Variants in SH3GL2 observed in about 807,000 individuals in gnomAD.
The protein encoded by SH3GL2 is SH3 domain containing GRB2 like 2, endophilin A1.
Under a neutral mutation model 46.0 loss-of-function variants are expected in SH3GL2, and 24 were observed. The observed-to-expected ratio is 0.52, with a 90% CI of 0.38 to 0.73. The LOEUF is 0.73. Among genes scored for constraint, SH3GL2 ranks in the 30% least tolerant of loss-of-function variants. The pLI is 0.00. For missense variants in SH3GL2, 413 were observed against 424.2 expected (o/e 0.97, Z 0.23); for synonymous variants, 196 against 147.1 (o/e 1.33, Z -2.40).
At chr9:17,766,411 ATTC>A (rs1450528760) in intron 3 of SH3GL2, among the ~76,000 whole-genome samples, 8 of 152,366 alleles carry the variant, frequency 5.3e-5, no homozygotes, top group Middle Eastern at 6.8e-3. Context: ...GTAAGTGCCT[ATTC>A]TTACGATATT....
At chr9:17,667,535 T>A (rs1820377450) in intron 1 of SH3GL2, among the ~76,000 whole-genome samples, 1 of 152,224 alleles carries the variant, frequency 6.6e-6, no homozygotes, top group Admixed American at 6.5e-5. Context: ...CAGAATAATA[T>A]TATATGGATA....
chr9:17,622,631 T>C (rs1442438308), intron 1 of SH3GL2, among the ~76,000 whole-genome samples: 2 of 152,140 alleles, frequency 1.3e-5, no homozygotes, highest in Non-Finnish European at 2.9e-5. Context: ...TGGAAGAATA[T>C]TAATTGGGAT....
At chr9:17,614,294 T>TAAAAAAAAA (rs1818935410) in intron 1 of SH3GL2, among the ~76,000 whole-genome samples, 1 of 11,226 alleles carries the variant, frequency 8.9e-5, no homozygotes, top group Non-Finnish European at 3.0e-4. Flanking sequence ...GCATGGTTTC[T>TAAAAAAAAA]GAAAAAAAAA....
At chr9:17,772,633 A>G (rs1409154643) in intron 3 of SH3GL2, among the ~76,000 whole-genome samples, 1 of 152,214 alleles carries the variant, frequency 6.6e-6, no homozygotes, top group African/African-American at 2.4e-5. Context: ...ACTTGGCATA[A>G]TGTCCCAAGG....
intron 1 of SH3GL2, among the ~76,000 whole-genome samples, chr9:17,624,553 A>G (rs1432427770): frequency 6.6e-6 from 1 of 152,182 alleles, no homozygotes; most frequent in Admixed American, 6.5e-5. Flanking sequence ...TGTGCACTCA[A>G]GAGTTCCCAT....
chr9:17,651,563 G>T (rs1819960281), intron 1 of SH3GL2, among the ~76,000 whole-genome samples: 1 of 152,126 alleles, frequency 6.6e-6, no homozygotes, highest in Non-Finnish European at 1.5e-5. Context: ...TTGCAGAATT[G>T]TGTAGTTAGT....
Position 17,795,861 on chromosome 9 carries a change from G to C in SH3GL2, c.*118G>C, listed in dbSNP as rs1824260894. On this transcript the variant is annotated 3_prime_UTR_variant, in exon 9 of 9. Coordinates refer to ENST00000380607, the MANE Select transcript of SH3GL2 (RefSeq NM_003026.5). ...AGGCCGCAGTGGTCCACGTCATCCA[G>C]CCCCACCAAGTGACTTTGGTTGACT... The C allele has an allele frequency of 7.5e-5, 58 of 777,852 alleles. 1 individual carries two copies. The South Asian group carries it at 9.9e-4, about 13-fold the overall frequency. 48.2% of individuals were successfully genotyped at this position (777,852 alleles called of 1,614,324 possible).
intron 1 of SH3GL2, among the ~76,000 whole-genome samples, chr9:17,614,508 G>A (rs1320239897): frequency 3.3e-5 from 5 of 151,980 alleles, no homozygotes; most frequent in Non-Finnish European, 4.4e-5. Context: ...CTGGAATTGG[G>A]ACAGCGTAGC....
chr9:17,580,640 A>C (rs760252127), intron 1 of SH3GL2, among the ~76,000 whole-genome samples: 26 of 152,274 alleles, frequency 1.7e-4, no homozygotes, highest in African/African-American at 4.6e-4. Context: ...TCTGCCAGAC[A>C]TGTTTATGAA....
chr9:17,582,054 T>C (rs1438975369), intron 1 of SH3GL2, among the ~76,000 whole-genome samples: 1 of 152,194 alleles, frequency 6.6e-6, no homozygotes, highest in Non-Finnish European at 1.5e-5. Context: ...CTTTTTTGCT[T>C]GTGTTAGTAA....
chr9:17,716,336 G>A (rs1821756951), intron 1 of SH3GL2, among the ~76,000 whole-genome samples: 1 of 152,058 alleles, frequency 6.6e-6, no homozygotes, highest in Non-Finnish European at 1.5e-5. Flanking sequence ...TTTGTTCTGG[G>A]ACACAGCGAA....
Position 17,652,231 on chromosome 9 carries a change from G to A in SH3GL2, c.45+72944G>A, listed in dbSNP as rs570601180. ...GTTGTTACTGTTTTAGGTGCATGCC[G>A]TAAATTTTGGCATGAGTTCTTCCCT... On this transcript the variant is annotated intron_variant, in intron 1 of 8. Transcript: ENST00000380607. 5.5e-4 allele frequency among the ~76,000 whole-genome samples: 84 copies of A among 152,172 alleles called. 2 individuals are homozygous for A. In the South Asian group the frequency reaches 0.016, roughly 28 times the overall value.
At chr9:17,610,742 T>TA (rs1204256602) in intron 1 of SH3GL2, among the ~76,000 whole-genome samples, 1 of 150,746 alleles carries the variant, frequency 6.6e-6, no homozygotes, top group Non-Finnish European at 1.5e-5. Context: ...TTTTTTTTAA[T>TA]AAAAGCGAAT....
chr9:17,760,377 A>G (rs960742188), intron 2 of SH3GL2, among the ~76,000 whole-genome samples: 6 of 152,110 alleles, frequency 3.9e-5, no homozygotes, highest in African/African-American at 1.4e-4. Flanking sequence ...TGTGTGGATT[A>G]TGGAAAAGGA....
chr9:17,595,107 A>G (rs973729162), intron 1 of SH3GL2, among the ~76,000 whole-genome samples: 8 of 152,186 alleles, frequency 5.3e-5, no homozygotes, highest in Middle Eastern at 3.2e-3. Flanking sequence ...ACAGATGAGG[A>G]AGCTGAAACA....
chr9:17,660,490 G>T (rs1381533006), intron 1 of SH3GL2, among the ~76,000 whole-genome samples: 1 of 152,178 alleles, frequency 6.6e-6, no homozygotes, highest in Non-Finnish European at 1.5e-5. Flanking sequence ...AAAGTATGTT[G>T]CACTAGGTGT....
chr9:17,655,798 C>T (rs912172464), intron 1 of SH3GL2, among the ~76,000 whole-genome samples: 4 of 152,174 alleles, frequency 2.6e-5, no homozygotes, highest in African/African-American at 9.7e-5. Flanking sequence ...ACCTGTTGCT[C>T]TCTGAGGGTT....
At chr9:17,714,129 G>A (rs187782296) in intron 1 of SH3GL2, among the ~76,000 whole-genome samples, 1 of 151,604 alleles carries the variant, frequency 6.6e-6, no homozygotes, top group African/African-American at 2.4e-5. Context: ...TGAAATGATG[G>A]TTTTGATCCC....
chr9:17,694,619 A>G (rs1424558376), intron 1 of SH3GL2, among the ~76,000 whole-genome samples: 3 of 152,176 alleles, frequency 2.0e-5, no homozygotes, highest in Non-Finnish European at 4.4e-5. Context: ...AGGGAAAAGC[A>G]AGCAAATATT....
Sources: allele counts gnomAD v4.1 joint callset (sites outside exome capture counted in the v4.1 genomes callset), GRCh38; gene constraint gnomAD v4.1.1; transcripts MANE v1.5; gene names NCBI Gene and HGNC (gene_info 2026-07-23, HGNC 2026-07-21).